Variants in MASP1 observed in about 807,000 individuals in gnomAD.
MASP1 encodes the protein MBL associated serine protease 1, also known as mannan-binding lectin serine protease 1.
In MASP1, 59 loss-of-function variants were observed where a neutral mutation model predicts 77.1. That is an observed-to-expected ratio of 0.77 (90% CI 0.62 to 0.95). The LOEUF (loss-of-function observed/expected upper bound fraction) is 0.95. Among genes scored for constraint, MASP1 ranks in the 40% least tolerant of loss-of-function variants. MASP1 has a pLI of 0.00. For synonymous variants in MASP1, 362 were observed against 354.5 expected, an observed-to-expected ratio of 1.02 and a Z score of -0.24; for missense variants, 885 against 912.9, an observed-to-expected ratio of 0.97 and a Z score of 0.39.
At chr3:187,227,144 C>T (rs1712485710) in intron 11 of MASP1, among the ~76,000 whole-genome samples, 1 of 152,200 alleles carries the variant, frequency 6.6e-6, no homozygotes, top group South Asian at 2.1e-4. Flanking sequence ...GGGGGTGGAG[C>T]CCAAGCACAG....
At position 187,234,157 on chromosome 3, in the gene MASP1, T is replaced by C. The variant is rs1712937318; in HGVS notation, c.*1527A>G. 1 of 1,287,092 alleles carries C rather than the reference T, an allele frequency of 7.8e-7. No individual in the cohort carries two copies. Among genetic ancestry groups the C allele is most frequent in the Non-Finnish European group, 1.0e-6 (1 of 988,702 alleles). The allele number at this position is 1,287,092 out of a possible 1,614,324, so 79.7% of individuals were successfully genotyped here. A position where few individuals can be genotyped will look rare whatever the true frequency, so the allele number is the denominator to read the frequency against. On this transcript the variant is annotated 3_prime_UTR_variant, in exon 11 of 11. Coordinates refer to ENST00000296280, the MANE Select transcript of MASP1 (RefSeq NM_139125.4). ...AACAATGCAGAGGCCCTTTACAGAA[T>C]GGTGAAGCATATGATATAAAAGATA...
chr3:187,251,352 C>T (rs993365423), intron 7 of MASP1: 10 of 408,044 alleles, frequency 2.5e-5, no homozygotes, highest in African/African-American at 1.4e-4. Context: ...AGTTCTCAGC[C>T]TTGATTATAG....
chr3:187,221,163 A>C, intron 14 of MASP1: 4 of 1,566,032 alleles, frequency 2.6e-6, no homozygotes, highest in African/African-American at 1.3e-5. Flanking sequence ...ATTGGTCCTC[A>C]TCCCCGGCTG....
chr3:187,223,391 TTTCTATGATGTG>T (rs574394127), intron 13 of MASP1, among the ~76,000 whole-genome samples: 205 of 152,240 alleles, frequency 1.3e-3, no homozygotes, highest in African/African-American at 4.7e-3. Flanking sequence ...GGGGCACTGG[TTTCTATGATGTG>T]TTACTGGCTT....
rs1718349778 is a variant in MASP1, at chr3:187,291,701, G to C, written c.-69C>G. The C allele has an allele frequency of 6.3e-7, 1 of 1,594,158 alleles. No homozygotes were observed. The highest frequency in any genetic ancestry group is 8.6e-7 in the Non-Finnish European group (1 of 1,162,050). On this transcript the variant is annotated 5_prime_UTR_variant, in exon 1 of 11. Coordinates refer to ENST00000296280, the MANE Select transcript of MASP1 (RefSeq NM_139125.4). ...CAGCTTGACTTGCCTGTGAGCTCGT[G>C]CCCGGTGTGGTGTCCGTGATGCCTT... is the stretch of plus-strand genomic sequence containing the variant.
At chr3:187,243,828 T>C (rs1476301596) in intron 8 of MASP1, 5 of 640,102 alleles carry the variant, frequency 7.8e-6, no homozygotes, top group South Asian at 6.9e-5. Flanking sequence ...GTCTCTTCCA[T>C]TCATTATGGT....
At position 187,224,303 on chromosome 3, in the gene MASP1, G is replaced by C. The variant is rs796663456; in HGVS notation, c.1741+1021C>G. ...TAACTTCCTGAAGATCACCCAGCTG[G>C]GAAATGGTCACAGTGGTGTTTGAGC... On this transcript the variant is annotated intron_variant, in intron 13 of 15. Coordinates refer to the MASP1 transcript ENST00000337774. 4.9e-4 allele frequency among the ~76,000 whole-genome samples: 74 copies of C among 152,100 alleles called. 1 individual carries two copies. The highest frequency in any genetic ancestry group is 1.6e-3 in the African/African-American group (68 of 41,490).
At chr3:187,287,972 G>A (rs943580743) in intron 1 of MASP1, among the ~76,000 whole-genome samples, 2 of 152,152 alleles carry the variant, frequency 1.3e-5, no homozygotes, top group South Asian at 2.1e-4. Context: ...AGTACAAAAT[G>A]TCTGAAAGGA....
chr3:187,234,037 A>G (rs1177654676), downstream of MASP1: 13 of 1,182,932 alleles, frequency 1.1e-5, no homozygotes, highest in African/African-American at 3.2e-5. Flanking sequence ...AGTTAAAACA[A>G]ATGAACACAC....
At chr3:187,260,995 A>C (rs1252670131) in intron 3 of MASP1, 123 bp from the exon 4 acceptor site, 2 of 1,131,250 alleles carry the variant, frequency 1.8e-6, no homozygotes, top group Non-Finnish European at 2.7e-6. Context: ...TCTCTCATTT[A>C]ATCCTCTCAT....
intron 14 of MASP1, among the ~76,000 whole-genome samples, chr3:187,222,935 C>T (rs1441688615): frequency 1.3e-5 from 2 of 152,158 alleles, no homozygotes; most frequent in Non-Finnish European, 2.9e-5. Context: ...GAGTCCATGA[C>T]ATGTAGAACA....
At chr3:187,291,434 C>A in intron 1 of MASP1, 194 bp downstream of exon 1, 1 of 688,838 alleles carries the variant, frequency 1.5e-6, no homozygotes, top group Non-Finnish European at 2.6e-6. Context: ...AGTTTTATGT[C>A]TCCTGGAGTC....
At chr3:187,218,235 T>C (rs1711860967) in exon 16 of MASP1, 1 of 152,220 alleles carries the variant, frequency 6.6e-6, no homozygotes, top group South Asian at 2.1e-4. Context: ...TTACATATGT[T>C]TCATGTCTCC....
At chr3:187,278,301 A>G (rs925746144) in intron 2 of MASP1, among the ~76,000 whole-genome samples, 2 of 152,206 alleles carry the variant, frequency 1.3e-5, no homozygotes, top group Non-Finnish European at 2.9e-5. Context: ...TACTGATTCC[A>G]CTTAGACCCT....
At chr3:187,279,314 A>T (rs1717222207) in intron 2 of MASP1, among the ~76,000 whole-genome samples, 2 of 152,190 alleles carry the variant, frequency 1.3e-5, no homozygotes, top group Non-Finnish European at 2.9e-5. Flanking sequence ...TGGGGACCCT[A>T]CCCACAAGGC....
intron 2 of MASP1, among the ~76,000 whole-genome samples, chr3:187,270,985 A>G (rs1037924340): frequency 3.3e-5 from 5 of 152,230 alleles, no homozygotes; most frequent in South Asian, 2.1e-4. Flanking sequence ...CAAAATGGAT[A>G]TTGTTTTAGC....
At chr3:187,217,987 G>T (rs1711854300) in exon 16 of MASP1, 1 of 152,194 alleles carries the variant, frequency 6.6e-6, no homozygotes, top group Non-Finnish European at 1.5e-5. Context: ...GTTTTTGTGG[G>T]AGGAGCTGGT....
At chr3:187,217,375 T>C (rs1711831610) in exon 16 of MASP1, 1 of 152,236 alleles carries the variant, frequency 6.6e-6, no homozygotes, top group African/African-American at 2.4e-5. Flanking sequence ...ATGATTATTA[T>C]TGCTAACAGC....
At chr3:187,266,423 G>A (rs540975839) in intron 2 of MASP1, among the ~76,000 whole-genome samples, 6 of 152,304 alleles carry the variant, frequency 3.9e-5, no homozygotes, top group African/African-American at 7.2e-5. Context: ...TCAGGGTATC[G>A]TAAATGCAAT....
Sources: allele counts gnomAD v4.1 joint callset (sites outside exome capture counted in the v4.1 genomes callset), GRCh38; gene constraint gnomAD v4.1.1; transcripts MANE v1.5; gene names NCBI Gene and HGNC (gene_info 2026-07-23, HGNC 2026-07-21).